Variants in FHIT observed in about 807,000 individuals in gnomAD.
FHIT encodes the protein bis(5'-adenosyl)-triphosphatase.
Under a neutral mutation model 17.9 loss-of-function variants are expected in FHIT, and 19 were observed. The observed-to-expected ratio is 1.06, with a 90% CI of 0.74 to 1.56. The LOEUF is 1.56. Ranked by LOEUF, FHIT falls within the 40% of genes most tolerant of loss-of-function variation. The pLI is 0.00. For synonymous variants in FHIT, 81 were observed against 69.7 expected (o/e 1.16, Z -0.81); for missense variants, 248 against 189.2 (o/e 1.31, Z -1.82).
chr3:59,751,959 G>C (rs1466573163), intron 9 of FHIT: 11 of 400,404 alleles, frequency 2.7e-5, no homozygotes, highest in African/African-American at 4.1e-5. Flanking sequence ...ACCACCGCAG[G>C]AAAGACTGGA....
At chr3:59,761,887 C>T (rs550602708) in intron 8 of FHIT, among the ~76,000 whole-genome samples, 40 of 152,250 alleles carry the variant, frequency 2.6e-4, no homozygotes, top group Admixed American at 1.5e-3. Flanking sequence ...TGAGCCACCG[C>T]GCCCTACCAG....
chr3:59,758,142 A>C (rs1701314423), intron 8 of FHIT, among the ~76,000 whole-genome samples: 1 of 152,222 alleles, frequency 6.6e-6, no homozygotes, highest in Admixed American at 6.5e-5. Flanking sequence ...TGACTTTTAA[A>C]AATCAAGGAC....
intron 5 of FHIT, among the ~76,000 whole-genome samples, chr3:60,408,192 G>T (rs1559889466): frequency 6.6e-6 from 1 of 152,304 alleles, no homozygotes; most frequent in Non-Finnish European, 1.5e-5. Context: ...GTGCTAGGTT[G>T]TAACGGCCCA....
intron 1 of FHIT, among the ~76,000 whole-genome samples, chr3:61,212,541 GT>G (rs1275358423): frequency 1.3e-5 from 2 of 152,234 alleles, no homozygotes; most frequent in Admixed American, 6.5e-5. Flanking sequence ...GTACCTGAAA[GT>G]GATGGGGAGA....
intron 2 of FHIT, among the ~76,000 whole-genome samples, chr3:61,102,348 G>A (rs1395388156): frequency 1.3e-5 from 2 of 152,112 alleles, no homozygotes; most frequent in African/African-American, 4.8e-5. Flanking sequence ...TTTATGTGAT[G>A]GATTACGTTT....
chr3:60,073,769 A>C (rs1467070101), intron 5 of FHIT, among the ~76,000 whole-genome samples: 1 of 151,388 alleles, frequency 6.6e-6, no homozygotes, highest in Non-Finnish European at 1.5e-5. Context: ...AAATCACTCC[A>C]CTCCTGCCCT....
In FHIT at chr3:61,208,055, C is replaced by T. The variant is rs527789241; in HGVS notation, c.-212-7390G>A. On this transcript the variant is annotated intron_variant, in intron 1 of 9. Transcript: ENST00000492590. ...GTTTCAAAGAACATCTTTATTTCTG[C>T]CTTCATTTCGTTATGTACCCCATAG... Among the ~76,000 whole-genome samples, 65 of 152,186 alleles carry T rather than the reference C, an allele frequency of 4.3e-4. 2 individuals carry two copies. Among genetic ancestry groups the T allele is most frequent in the African/African-American group, 1.5e-3 (63 of 41,522 alleles).
intron 8 of FHIT, among the ~76,000 whole-genome samples, chr3:59,875,953 A>G (rs940622299): frequency 7.9e-6 from 1 of 126,118 alleles, no homozygotes; most frequent in African/African-American, 3.2e-5. Context: ...AAAGAAAAAA[A>G]AAAGAAAAAA....
At chr3:60,802,381 C>T (rs1701222862) in intron 4 of FHIT, among the ~76,000 whole-genome samples, 1 of 152,152 alleles carries the variant, frequency 6.6e-6, no homozygotes, top group African/African-American at 2.4e-5. Context: ...TCAGATCCAC[C>T]ACTATACTGT....
chr3:60,106,165 G>A (rs1704401253), intron 5 of FHIT, among the ~76,000 whole-genome samples: 3 of 152,166 alleles, frequency 2.0e-5, no homozygotes, highest in Admixed American at 2.0e-4. Flanking sequence ...AACTGTTGTG[G>A]TATGGCAGTG....
chr3:60,211,980 T>C (rs201057086), intron 5 of FHIT, among the ~76,000 whole-genome samples: 2 of 152,218 alleles, frequency 1.3e-5, no homozygotes, highest in East Asian at 3.9e-4. Flanking sequence ...CATGTTCTCA[T>C]GCATCGATCA....
At chr3:59,951,297 T>C (rs1197233440) in intron 7 of FHIT, among the ~76,000 whole-genome samples, 1 of 152,118 alleles carries the variant, frequency 6.6e-6, no homozygotes, top group Non-Finnish European at 1.5e-5. Flanking sequence ...TGCTGTTTTT[T>C]GCTTTATTGC....
At chr3:60,304,159 G>T (rs1248940527) in intron 5 of FHIT, among the ~76,000 whole-genome samples, 1 of 152,044 alleles carries the variant, frequency 6.6e-6, no homozygotes, top group African/African-American at 2.4e-5. Flanking sequence ...CCTTTGAAAA[G>T]CAAAATGAAA....
chr3:59,874,999 C>T lies in FHIT; in HGVS notation c.348+47347G>A, dbSNP rs562203791. Among the ~76,000 whole-genome samples the T allele has an allele frequency of 4.6e-5, 7 of 152,328 alleles. No individual in the cohort carries two copies. The South Asian group carries it at 1.5e-3, about 32-fold the overall frequency. The stretch of plus-strand genomic sequence containing the variant: ...TTTCGGCAAGTGCTTCCCTTTTTGA[C>T]TCTGATCCATTTCATCAAAAACCCT... On this transcript the variant is annotated intron_variant, in intron 8 of 9. Transcript: ENST00000492590.
chr3:60,231,443 C>T lies in FHIT; in HGVS notation c.104-217291G>A, dbSNP rs1704492355. ...CTCAGAGTCTACCTGCCGCAGCCTT[C>T]CAGGTACCCTCAAGGGTAACCAACA... is the stretch of plus-strand genomic sequence containing the variant. On this transcript the variant is annotated intron_variant, in intron 5 of 9. Transcript: ENST00000492590. Among the ~76,000 whole-genome samples the T allele has an allele frequency of 1.3e-5, 2 of 152,190 alleles. 1 individual carries two copies.
At chr3:60,300,129 C>T (rs1288483693) in intron 5 of FHIT, among the ~76,000 whole-genome samples, 3 of 152,078 alleles carry the variant, frequency 2.0e-5, no homozygotes, top group African/African-American at 7.2e-5. Context: ...TCTGACTTCT[C>T]TCCACCTCTC....
At chr3:60,495,388 C>T (rs376842071) in intron 5 of FHIT, among the ~76,000 whole-genome samples, 11 of 151,674 alleles carry the variant, frequency 7.3e-5, no homozygotes, top group African/African-American at 2.6e-4. Flanking sequence ...CAACTGTTTT[C>T]TATTTTTCTT....
At chr3:59,824,385 G>C (rs754463808) in intron 8 of FHIT, among the ~76,000 whole-genome samples, 69 of 152,374 alleles carry the variant, frequency 4.5e-4, no homozygotes, top group Middle Eastern at 3.4e-3. Context: ...TGGCAGCCTT[G>C]AGAACTGATG....
chr3:59,753,126 C>CTCTT (rs1215723652), intron 8 of FHIT, among the ~76,000 whole-genome samples: 2 of 152,150 alleles, frequency 1.3e-5, no homozygotes, highest in African/African-American at 2.4e-5. Context: ...ACCTCCTACT[C>CTCTT]TCTTTGGTTT....
Sources: gnomAD v4.1 joint callset for allele counts (sites outside exome capture counted in the v4.1 genomes callset) on GRCh38, gnomAD v4.1.1 for gene constraint, MANE v1.5 for transcripts, NCBI Gene and HGNC (gene_info 2026-07-23, HGNC 2026-07-21) for gene names.